The following STAG1 variants were observed in gnomAD, a reference collection of about 807,000 sequenced individuals.
STAG1 encodes cohesin subunit SA-1.
A neutral mutation model predicts 170.9 loss-of-function variants in STAG1; 26 were observed. The ratio of observed to expected loss-of-function variants is 0.15; its 90% confidence interval spans 0.11 to 0.21. The LOEUF (loss-of-function observed/expected upper bound fraction) is 0.21. Among genes scored for constraint, STAG1 ranks in the 10% least tolerant of loss-of-function variants. The pLI, the probability that STAG1 is intolerant of heterozygous loss-of-function variation, is 1.00. For missense variants in STAG1, 964 were observed against 1,509.5 expected, an observed-to-expected ratio of 0.64 and a Z score of 5.99; for synonymous variants, 514 against 497.7, an observed-to-expected ratio of 1.03 and a Z score of -0.44.
intron 9 of STAG1, among the ~76,000 whole-genome samples, chr3:136,496,171 C>A (rs978035873): frequency 8.1e-4 from 123 of 151,620 alleles, no homozygotes; most frequent in African/African-American, 2.1e-3. Context: ...AACAAAAAAA[C>A]CCCCAAAAAA....
intron 14 of STAG1, among the ~76,000 whole-genome samples, chr3:136,450,692 C>A (rs867607334): frequency 7.2e-5 from 11 of 152,148 alleles, no homozygotes; most frequent in Non-Finnish European, 1.3e-4. Flanking sequence ...AATTGAGAGT[C>A]CTAGGTTTCT....
chr3:136,604,393 T>C lies in STAG1; in HGVS notation c.213A>G (p.Arg71=). The change falls in exon 4 of 34, where the codon AGA becomes AGG. Residue 71 remains arginine (R), a synonymous_variant. Transcript: ENST00000383202. The part of the protein sequence containing the change: ...EAGIRGAGRG[R]ANGHPQQNGE... ...CATTCTGTTGAGGGTGTCCATTAGC[T>C]CTTCCACGGCCTGCTCCTCTAATTC... 1.2e-6 allele frequency: 2 copies of C among 1,613,890 alleles called. No homozygotes were observed. Among genetic ancestry groups the C allele is most frequent in the South Asian group, 2.2e-5 (2 of 91,058 alleles).
intron 4 of STAG1, chr3:136,586,801 C>A (rs1344354021): frequency 4.4e-6 from 2 of 456,072 alleles, no homozygotes; most frequent in Admixed American, 4.7e-5. Flanking sequence ...ACTTAGCTCA[C>A]CTGAGTATGT....
At chr3:136,685,199 C>T (rs901210182) in intron 1 of STAG1, among the ~76,000 whole-genome samples, 2 of 152,034 alleles carry the variant, frequency 1.3e-5, no homozygotes, top group African/African-American at 4.8e-5. Context: ...ACCTGTAATC[C>T]CAGCTACTCG....
intron 15 of STAG1, among the ~76,000 whole-genome samples, chr3:136,438,118 T>C (rs1263735920): frequency 6.6e-6 from 1 of 152,244 alleles, no homozygotes; most frequent in Non-Finnish European, 1.5e-5. Context: ...GTTCCAGCTA[T>C]TGCATCTCCT....
At chr3:136,681,602 T>TA (rs530473010) in intron 1 of STAG1, among the ~76,000 whole-genome samples, 122 of 152,274 alleles carry the variant, frequency 8.0e-4, no homozygotes, top group South Asian at 2.1e-4. Flanking sequence ...TACATTTTTT[T>TA]AAAAAAGATA....
At chr3:136,543,129 T>C (rs1453248511) in intron 5 of STAG1, among the ~76,000 whole-genome samples, 3 of 152,172 alleles carry the variant, frequency 2.0e-5, no homozygotes, top group Non-Finnish European at 4.4e-5. Context: ...GATACTCTAG[T>C]AAAACTGGTT....
intron 6 of STAG1, among the ~76,000 whole-genome samples, chr3:136,527,265 CAT>C (rs1456679538): frequency 1.3e-5 from 2 of 152,186 alleles, no homozygotes; most frequent in Non-Finnish European, 2.9e-5. Flanking sequence ...ACCATAGTCC[CAT>C]ATTTCTTGGA....
intron 1 of STAG1, among the ~76,000 whole-genome samples, chr3:136,704,196 G>A (rs763619952): frequency 1.1e-4 from 17 of 151,474 alleles, no homozygotes; most frequent in Non-Finnish European, 2.1e-4. Flanking sequence ...GATTACAGGA[G>A]TGCACCACGA....
chr3:136,599,030 C>A (rs1938558293), intron 4 of STAG1, among the ~76,000 whole-genome samples: 1 of 152,088 alleles, frequency 6.6e-6, no homozygotes, highest in Non-Finnish European at 1.5e-5. Context: ...ACCGTGATTC[C>A]TCAAAGAACT....
At chr3:136,674,209 G>A (rs1017419618) in intron 1 of STAG1, among the ~76,000 whole-genome samples, 1 of 139,388 alleles carries the variant, frequency 7.2e-6, no homozygotes, top group Non-Finnish European at 1.5e-5. Flanking sequence ...GAAGGAGGGA[G>A]GGATTAATTC....
chr3:136,376,958 T>A (rs1937631398), intron 23 of STAG1, among the ~76,000 whole-genome samples: 1 of 149,876 alleles, frequency 6.7e-6, no homozygotes, highest in Admixed American at 6.6e-5. Context: ...GCCCGGCTAA[T>A]TTTTTTTTGT....
intron 2 of STAG1, among the ~76,000 whole-genome samples, chr3:136,624,912 GAAAT>G (rs1383279237): frequency 6.6e-6 from 1 of 152,086 alleles, no homozygotes; most frequent in Non-Finnish European, 1.5e-5. Flanking sequence ...ATAGTAACAT[GAAAT>G]AATTAGGAAG....
intron 4 of STAG1, among the ~76,000 whole-genome samples, chr3:136,597,235 T>C (rs1295579362): frequency 6.6e-6 from 1 of 152,192 alleles, no homozygotes; most frequent in Non-Finnish European, 1.5e-5. Flanking sequence ...AAAAAAACTG[T>C]ATCCAGAGGT....
chr3:136,541,584 A>ACACACACACACACACC (rs1491081484), intron 6 of STAG1, among the ~76,000 whole-genome samples: 1 of 148,870 alleles, frequency 6.7e-6, no homozygotes, highest in African/African-American at 2.5e-5. Flanking sequence ...ACACACACAC[A>ACACACACACACACACC]CCAGGGGTTT....
intron 22 of STAG1, among the ~76,000 whole-genome samples, chr3:136,395,526 C>T (rs1196160041): frequency 2.0e-5 from 3 of 152,218 alleles, no homozygotes; most frequent in African/African-American, 4.8e-5. Flanking sequence ...GAGGCTGAGG[C>T]AGGAGAATCA....
rs200328601 is a variant in STAG1 at position 136,377,750 on chromosome 3, C to G, written c.2280G>C (p.Glu760Asp). ...CCGTTTTCCTCAATACCAACAAATC[C>G]TCCTGTAAGACACATTCAAATTTGC... is the stretch of plus-strand genomic sequence containing the variant. ...VKITDGSPSK[E>D]DLLVLRKTVK... Residue 760 changes from glutamate (E) to aspartate (D), a missense_variant and splice_region_variant, in exon 23 of 34, where the codon GAG becomes GAC. Physicochemically the swap from Glu to Asp is conservative, Grantham distance 45. Transcript: ENST00000383202. The G allele has an allele frequency of 1.3e-4, 209 of 1,613,602 alleles. No homozygotes were observed. The highest frequency in any genetic ancestry group is 1.6e-4 in the Middle Eastern group (1 of 6,082).
chr3:136,493,519 G>A (rs2090159130), intron 9 of STAG1, among the ~76,000 whole-genome samples: 1 of 151,972 alleles, frequency 6.6e-6, no homozygotes, highest in Non-Finnish European at 1.5e-5. Context: ...GCCAGGCATA[G>A]TGATGTGTGC....
rs1402692554 is a variant in STAG1 at position 136,337,247 on chromosome 3, AC to A, written c.*1006del. 6.6e-6 allele frequency: 1 copy of A among 152,610 alleles called. No individual in the cohort carries two copies. Among genetic ancestry groups the A allele is most frequent in the African/African-American group, 2.4e-5 (1 of 41,468 alleles). The allele number at this position is 152,610 out of a possible 1,614,324, so 9.5% of individuals were successfully genotyped here. A position where few individuals can be genotyped will look rare whatever the true frequency, so the allele number is the denominator to read the frequency against. The stretch of plus-strand genomic sequence containing the variant: ...GGTATTAAGTGCATGGGAAGTAAAC[AC>A]AGTTATGTTACACTTAAAATTACTT... On this transcript the variant is annotated 3_prime_UTR_variant, in exon 34 of 34. Transcript: ENST00000383202.
Sources: allele counts gnomAD v4.1 joint callset (sites outside exome capture counted in the v4.1 genomes callset), GRCh38; gene constraint gnomAD v4.1.1; transcripts MANE v1.5; gene names NCBI Gene and HGNC (gene_info 2026-07-23, HGNC 2026-07-21).